The following FBXO15 variants were observed in gnomAD, a reference collection of about 807,000 sequenced individuals.
FBXO15 encodes F-box only protein 15.
In FBXO15, 30 loss-of-function variants were observed where a neutral mutation model predicts 49.5. The observed-to-expected ratio is 0.61, with a 90% CI of 0.45 to 0.82. The LOEUF (loss-of-function observed/expected upper bound fraction) is 0.82, where lower values mean the gene tolerates loss of function less well. FBXO15 is among the 40% of genes least tolerant of loss of function. The pLI, the probability that FBXO15 is intolerant of heterozygous loss-of-function variation, is 0.00. For synonymous variants in FBXO15, 250 were observed against 232.7 expected (o/e 1.07, Z -0.68); for missense variants, 591 against 631.5 (o/e 0.94, Z 0.69).
chr18:74,105,843 C>T (rs911759601), intron 8 of FBXO15, among the ~76,000 whole-genome samples: 1 of 151,964 alleles, frequency 6.6e-6, no homozygotes, highest in Admixed American at 6.6e-5. Flanking sequence ...ATGAAAACTC[C>T]AAATAAAAAT....
chr18:74,136,452 T>C (rs560044990), intron 2 of FBXO15, among the ~76,000 whole-genome samples: 1 of 152,340 alleles, frequency 6.6e-6, no homozygotes, highest in South Asian at 2.1e-4. Flanking sequence ...AACATATTCT[T>C]AGGTATTAAT....
intron 8 of FBXO15, among the ~76,000 whole-genome samples, chr18:74,116,625 C>T (rs1914242864): frequency 6.6e-6 from 1 of 152,186 alleles, no homozygotes; most frequent in Admixed American, 6.5e-5. Flanking sequence ...CAACTGGTCA[C>T]TTCATCCCCA....
intron 8 of FBXO15, chr18:74,100,195 A>C (rs1913450547): frequency 6.6e-6 from 1 of 152,208 alleles, no homozygotes; most frequent in South Asian, 2.1e-4. Flanking sequence ...AATTTAAGAA[A>C]ACTGAAATTA....
chr18:74,129,982 G>T (rs567475695), intron 4 of FBXO15, among the ~76,000 whole-genome samples: 1 of 152,210 alleles, frequency 6.6e-6, no homozygotes, highest in South Asian at 2.1e-4. Flanking sequence ...CAAGAAATTG[G>T]TTCTAGGAAC....
chr18:74,114,570 T>C (rs1191170770), intron 8 of FBXO15, among the ~76,000 whole-genome samples: 2 of 152,216 alleles, frequency 1.3e-5, no homozygotes, highest in African/African-American at 4.8e-5. Flanking sequence ...AAGTTCACCT[T>C]AAGTTTTCAT....
intron 4 of FBXO15, 64 bp downstream of exon 4, chr18:74,130,352 T>G (rs1402750469): frequency 6.3e-7 from 1 of 1,588,094 alleles, no homozygotes; most frequent in African/African-American, 1.4e-5. Context: ...AAACTGCACA[T>G]ACGTCCTACG....
chr18:74,132,389 T>C (rs898839241), intron 3 of FBXO15, among the ~76,000 whole-genome samples: 3 of 152,204 alleles, frequency 2.0e-5, no homozygotes, highest in African/African-American at 7.2e-5. Context: ...CTGATACTAT[T>C]TTTACATGTG....
intron 2 of FBXO15, among the ~76,000 whole-genome samples, chr18:74,137,688 G>A (rs1978806607): frequency 2.0e-5 from 3 of 152,130 alleles, no homozygotes; most frequent in African/African-American, 4.8e-5. Flanking sequence ...ACTTTCTGTT[G>A]GATTCTAGTT....
At chr18:74,124,214 GAC>G (rs1308957617) in intron 7 of FBXO15, among the ~76,000 whole-genome samples, 1 of 152,180 alleles carries the variant, frequency 6.6e-6, no homozygotes, top group Non-Finnish European at 1.5e-5. Context: ...GAACTTGAAG[GAC>G]AGTAGTGGCA....
chr18:74,085,713 G>T (rs1035460415), intron 8 of FBXO15, among the ~76,000 whole-genome samples: 1 of 152,188 alleles, frequency 6.6e-6, no homozygotes, highest in Non-Finnish European at 1.5e-5. Flanking sequence ...GATGAGCAAA[G>T]AAAGTCTTTT....
chr18:74,096,740 A>C (rs560352732), intron 8 of FBXO15, among the ~76,000 whole-genome samples: 18 of 152,294 alleles, frequency 1.2e-4, no homozygotes, highest in Admixed American at 8.5e-4. Context: ...AATAATTCAA[A>C]ATGGTAGTTT....
intron 6 of FBXO15, among the ~76,000 whole-genome samples, chr18:74,125,394 G>A (rs35372062): frequency 0.091 from 13,854 of 152,300 alleles, 930 homozygotes; most frequent in East Asian, 0.24. Context: ...TCTAGTCATT[G>A]TAAACTAATG....
At chr18:74,118,956 T>A (rs1167706947) in intron 8 of FBXO15, among the ~76,000 whole-genome samples, 2 of 152,176 alleles carry the variant, frequency 1.3e-5, no homozygotes, top group Non-Finnish European at 2.9e-5. Context: ...AGAAAAGGAA[T>A]CAAGGCAGTG....
chr18:74,106,813 T>C (rs1008946926), intron 8 of FBXO15, among the ~76,000 whole-genome samples: 1 of 152,274 alleles, frequency 6.6e-6, no homozygotes, highest in Non-Finnish European at 1.5e-5. Flanking sequence ...ATGATAACAG[T>C]GCTATAATCA....
In FBXO15 at chr18:74,075,491, G is replaced by T. The variant is rs1041783211; in HGVS notation, c.1264-1761C>A. On this transcript the variant is annotated intron_variant, in intron 9 of 9. Coordinates refer to ENST00000419743, the MANE Select transcript of FBXO15 (RefSeq NM_001142958.2). This position sits in a 1 kb window ranked among gnomAD's most constrained non-coding sequence, Gnocchi z 4.1. ...TCCCATCTTAGAGAGGCAGAGAGAGGGAAACAGCCTCCCTGGGCCCCGCAG... is the reference window on the plus strand; with the variant it reads ...TCCCATCTTAGAGAGGCAGAGAGAGTGAAACAGCCTCCCTGGGCCCCGCAG... Among the ~76,000 whole-genome samples, 1 of 152,156 alleles carries T rather than the reference G, an allele frequency of 6.6e-6. No individual in the cohort carries two copies. The highest frequency in any genetic ancestry group is 1.5e-5 in the Non-Finnish European group (1 of 68,032).
At chr18:74,107,045 G>C (rs1211340442) in intron 8 of FBXO15, among the ~76,000 whole-genome samples, 2 of 151,908 alleles carry the variant, frequency 1.3e-5, no homozygotes, top group Non-Finnish European at 2.9e-5. Context: ...ATAAACAATA[G>C]TTTTCCTGAA....
At chr18:74,101,163 TACTA>T (rs912300385) in intron 8 of FBXO15, among the ~76,000 whole-genome samples, 12 of 152,164 alleles carry the variant, frequency 7.9e-5, no homozygotes, top group Admixed American at 5.9e-4. Flanking sequence ...CTTAACAAAA[TACTA>T]ACTAACTGAA....
intron 1 of FBXO15, among the ~76,000 whole-genome samples, chr18:74,141,320 C>G (rs1979062524): frequency 6.6e-6 from 1 of 152,202 alleles, no homozygotes. Flanking sequence ...AATGGTTACA[C>G]TATTTCTCTA....
chr18:74,119,006 G>A (rs918812865), intron 8 of FBXO15, among the ~76,000 whole-genome samples: 1 of 152,190 alleles, frequency 6.6e-6, no homozygotes, highest in South Asian at 2.1e-4. Context: ...CAGCACAGTG[G>A]CCTAGGAAAT....
Sources: allele counts gnomAD v4.1 joint callset (sites outside exome capture counted in the v4.1 genomes callset), GRCh38; gene constraint gnomAD v4.1.1; non-coding constraint Gnocchi (gnomAD v3.1); transcripts MANE v1.5; gene names NCBI Gene and HGNC (gene_info 2026-07-23, HGNC 2026-07-21).